The following FGGY variants were observed in gnomAD, a reference collection of about 807,000 sequenced individuals.
FGGY encodes FGGY carbohydrate kinase domain containing.
FGGY carries 72 observed loss-of-function variants against 71.3 expected under a neutral mutation model. The observed-to-expected ratio is 1.01, with a 90% CI of 0.84 to 1.23. The LOEUF (loss-of-function observed/expected upper bound fraction) is 1.23. Ranked by LOEUF, FGGY falls within the 50% of genes most tolerant of loss-of-function variation. FGGY has a pLI of 0.00. For missense variants in FGGY, 668 were observed against 682.3 expected (o/e 0.98, Z 0.23); for synonymous variants, 251 against 250.3 (o/e 1.00, Z -0.02).
At chr1:59,427,334 A>G (rs1450907997) in intron 5 of FGGY, among the ~76,000 whole-genome samples, 1 of 152,160 alleles carries the variant, frequency 6.6e-6, no homozygotes, top group Non-Finnish European at 1.5e-5. Flanking sequence ...TGCCTGCCTG[A>G]CAGAAACAGA....
At chr1:59,472,407 G>C (rs2093001411) in intron 6 of FGGY, among the ~76,000 whole-genome samples, 1 of 152,190 alleles carries the variant, frequency 6.6e-6, no homozygotes, top group Non-Finnish European at 1.5e-5. Context: ...CCTCCCTGAC[G>C]AGCGCCGCCC....
intron 14 of FGGY, among the ~76,000 whole-genome samples, chr1:59,744,400 C>T (rs1573954264): frequency 6.6e-6 from 1 of 152,144 alleles, no homozygotes; most frequent in Non-Finnish European, 1.5e-5. Flanking sequence ...TGTGTATTTT[C>T]AGTAGAGACA....
At chr1:59,323,920 G>A (rs1270678504) in intron 2 of FGGY, among the ~76,000 whole-genome samples, 1 of 152,098 alleles carries the variant, frequency 6.6e-6, no homozygotes, top group Non-Finnish European at 1.5e-5. Flanking sequence ...CGGCGGGGGA[G>A]GCGCTTCTTG....
chr1:59,677,598 T>G (rs1306746119), intron 14 of FGGY, among the ~76,000 whole-genome samples: 1 of 151,946 alleles, frequency 6.6e-6, no homozygotes, highest in East Asian at 1.9e-4. Context: ...GGGGGTAGAG[T>G]CCTATACCTT....
chr1:59,600,902 G>T (rs2096570764), intron 8 of FGGY, among the ~76,000 whole-genome samples: 1 of 151,562 alleles, frequency 6.6e-6, no homozygotes, highest in Non-Finnish European at 1.5e-5. Context: ...GACATTAACA[G>T]CTATTTACAA....
intron 14 of FGGY, among the ~76,000 whole-genome samples, chr1:59,746,970 G>A (rs945386894): frequency 2.0e-5 from 3 of 152,124 alleles, no homozygotes; most frequent in South Asian, 2.1e-4. Flanking sequence ...ACTAGGTAAC[G>A]TATTTAATAA....
At chr1:59,391,463 C>A (rs1032147054) in intron 5 of FGGY, among the ~76,000 whole-genome samples, 2 of 152,224 alleles carry the variant, frequency 1.3e-5, no homozygotes, top group African/African-American at 4.8e-5. Context: ...CTTGTTACAT[C>A]ACTGACTGTC....
chr1:59,395,350 T>C (rs1383431468), intron 5 of FGGY, among the ~76,000 whole-genome samples: 1 of 152,184 alleles, frequency 6.6e-6, no homozygotes, highest in Non-Finnish European at 1.5e-5. Flanking sequence ...TCCCTTGGTG[T>C]ATATTCTAAT....
At chr1:59,527,628 G>T (rs1202199587) in intron 7 of FGGY, among the ~76,000 whole-genome samples, 1 of 152,162 alleles carries the variant, frequency 6.6e-6, no homozygotes, top group Non-Finnish European at 1.5e-5. Flanking sequence ...AGCCCCTTAG[G>T]ATTTCTGCAC....
intron 14 of FGGY, among the ~76,000 whole-genome samples, chr1:59,712,759 A>T (rs1003126552): frequency 1.1e-4 from 17 of 151,878 alleles, no homozygotes; most frequent in African/African-American, 3.9e-4. Flanking sequence ...GGCCCACAAC[A>T]TCACTTTTTC....
intron 4 of FGGY, among the ~76,000 whole-genome samples, chr1:59,370,257 C>T (rs6696460): frequency 6.0e-4 from 92 of 152,120 alleles, no homozygotes; most frequent in African/African-American, 1.6e-3. Context: ...TCGAGAACCA[C>T]GTGAAGAATG....
At chr1:59,297,472 C>T (rs1231142608) in intron 1 of FGGY, among the ~76,000 whole-genome samples, 1 of 152,064 alleles carries the variant, frequency 6.6e-6, no homozygotes, top group Non-Finnish European at 1.5e-5. Flanking sequence ...TACAGTTATC[C>T]TGAGTAGAAA....
chr1:59,408,150 C>T (rs1037363836), intron 5 of FGGY, among the ~76,000 whole-genome samples: 10 of 152,184 alleles, frequency 6.6e-5, no homozygotes, highest in African/African-American at 2.4e-4. Flanking sequence ...TTGCCACCTG[C>T]AAGCTGTGTT....
At chr1:59,427,612 T>G (rs886263912) in intron 5 of FGGY, among the ~76,000 whole-genome samples, 1 of 152,198 alleles carries the variant, frequency 6.6e-6, no homozygotes, top group Non-Finnish European at 1.5e-5. Flanking sequence ...TGAGAGATGC[T>G]TTATTTTTCC....
intron 9 of FGGY, among the ~76,000 whole-genome samples, chr1:59,609,923 C>G (rs2096658161): frequency 6.6e-6 from 1 of 152,190 alleles, no homozygotes; most frequent in Admixed American, 6.5e-5. Context: ...TGGGGAATCC[C>G]TGAGTATGAA....
chr1:59,509,998 G>C (rs896272413), intron 6 of FGGY, among the ~76,000 whole-genome samples: 2 of 151,264 alleles, frequency 1.3e-5, no homozygotes, highest in Non-Finnish European at 2.9e-5. Flanking sequence ...CAATTTAGTA[G>C]GCAAGATTTC....
intron 6 of FGGY, among the ~76,000 whole-genome samples, chr1:59,496,464 G>A (rs921276527): frequency 6.6e-6 from 1 of 152,108 alleles, no homozygotes. Context: ...CTGGTAAGTG[G>A]GAGCTAAACA....
chr1:59,478,241 AC>A (rs1178126931), intron 6 of FGGY, among the ~76,000 whole-genome samples: 3 of 152,146 alleles, frequency 2.0e-5, no homozygotes, highest in Non-Finnish European at 4.4e-5. Flanking sequence ...CTGAGTAATT[AC>A]TTTTATTTTC....
rs2098352985 is a variant in FGGY at position 59,762,696 on chromosome 1, C to G, written c.*112C>G. The G allele has an allele frequency of 1.3e-6, 1 of 759,120 alleles. No homozygotes were observed. Among genetic ancestry groups the G allele is most frequent in the African/African-American group, 1.8e-5 (1 of 56,350 alleles). The allele number at this position is 759,120 out of a possible 1,614,324, so 47.0% of individuals were successfully genotyped here. A position where few individuals can be genotyped will look rare whatever the true frequency, so the allele number is the denominator to read the frequency against. The stretch of plus-strand genomic sequence containing the variant: ...TATTGTTTCATCATTTCTGTATTGT[C>G]TTTCAATAAAGAAAACAAACATGTG... On this transcript the variant is annotated 3_prime_UTR_variant, in exon 16 of 16. Transcript: ENST00000303721.
Sources: allele counts gnomAD v4.1 joint callset (sites outside exome capture counted in the v4.1 genomes callset), GRCh38; gene constraint gnomAD v4.1.1; transcripts MANE v1.5; gene names NCBI Gene and HGNC (gene_info 2026-07-23, HGNC 2026-07-21).